CEP128: variants seen among roughly 807,000 people sequenced by gnomAD.
CEP128 encodes centrosomal protein 128.
CEP128 carries 132 observed loss-of-function variants against 156.7 expected under a neutral mutation model. The observed-to-expected ratio is 0.84, with a 90% CI of 0.73 to 0.97. The LOEUF is 0.97. Among genes scored for constraint, CEP128 ranks in the 50% least tolerant of loss-of-function variants. The pLI, the probability that CEP128 is intolerant of heterozygous loss-of-function variation, is 0.00. For missense variants in CEP128, 1,252 were observed against 1,281.9 expected, an observed-to-expected ratio of 0.98 and a Z score of 0.36; for synonymous variants, 469 against 448.9, an observed-to-expected ratio of 1.04 and a Z score of -0.57.
intron 19 of CEP128, among the ~76,000 whole-genome samples, chr14:80,648,369 G>T (rs1462803438): frequency 1.3e-5 from 2 of 152,090 alleles, no homozygotes; most frequent in African/African-American, 4.8e-5. Flanking sequence ...GGCTTCATTA[G>T]TGGCTGCAAC....
chr14:80,901,022 C>T (rs1206158425), intron 6 of CEP128, among the ~76,000 whole-genome samples: 1 of 151,564 alleles, frequency 6.6e-6, no homozygotes, highest in East Asian at 2.0e-4. Flanking sequence ...CTGGCTAACA[C>T]GGTGAAACCC....
At chr14:80,739,306 T>C (rs1442001488) in intron 19 of CEP128, among the ~76,000 whole-genome samples, 2 of 152,190 alleles carry the variant, frequency 1.3e-5, no homozygotes, top group Non-Finnish European at 2.9e-5. Context: ...AAAATTATTG[T>C]GATAAGTGAA....
intron 8 of CEP128, among the ~76,000 whole-genome samples, chr14:80,886,786 C>A (rs1057352520): frequency 1.3e-5 from 2 of 152,260 alleles, no homozygotes; most frequent in Non-Finnish European, 2.9e-5. Flanking sequence ...ACAATATTAA[C>A]CTTAAATGTA....
chr14:80,755,622 C>T (rs1003564466), intron 18 of CEP128, among the ~76,000 whole-genome samples: 3 of 152,204 alleles, frequency 2.0e-5, no homozygotes, highest in Non-Finnish European at 2.9e-5. Flanking sequence ...CCTTCTAATA[C>T]TGCAAGACGT....
intron 8 of CEP128, among the ~76,000 whole-genome samples, chr14:80,873,617 G>T (rs1888135576): frequency 6.6e-6 from 1 of 152,080 alleles, no homozygotes; most frequent in African/African-American, 2.4e-5. Context: ...GCTTTACAGG[G>T]ACCTCAGTAG....
At chr14:80,887,867 CAGAT>C (rs572109293) in intron 8 of CEP128, among the ~76,000 whole-genome samples, 43 of 151,938 alleles carry the variant, frequency 2.8e-4, no homozygotes, top group African/African-American at 7.7e-4. Flanking sequence ...ATTAGCAAAA[CAGAT>C]AGACTGCTAG....
intron 21 of CEP128, among the ~76,000 whole-genome samples, chr14:80,545,929 A>G (rs1027371188): frequency 1.3e-5 from 2 of 152,170 alleles, no homozygotes; most frequent in African/African-American, 4.8e-5. Context: ...GGTCAACTGA[A>G]TCTGGGGGTG....
chr14:80,879,302 T>C (rs761077038), intron 8 of CEP128, among the ~76,000 whole-genome samples: 4 of 152,056 alleles, frequency 2.6e-5, no homozygotes, highest in Non-Finnish European at 4.4e-5. Flanking sequence ...CAAGGAAATA[T>C]GACACCACCA....
chr14:80,481,161 C>A (rs1335316461), intron 14 of CEP128, among the ~76,000 whole-genome samples: 2 of 152,134 alleles, frequency 1.3e-5, no homozygotes, highest in African/African-American at 4.8e-5. Context: ...TAAAGACATA[C>A]CCGAGACAGG....
chr14:80,561,917 T>TATATATATATATATATA (rs1463564179), intron 20 of CEP128, among the ~76,000 whole-genome samples: 2 of 148,096 alleles, frequency 1.4e-5, no homozygotes, highest in African/African-American at 5.0e-5. Flanking sequence ...TATATATTTG[T>TATATATATATATATATA]TTTGTTTTGT....
chr14:80,743,375 T>C, intron 18 of CEP128, 108 bp from the exon 19 acceptor site: 1 of 988,168 alleles, frequency 1.0e-6, no homozygotes, highest in Non-Finnish European at 1.5e-6. Context: ...TATAGATAAT[T>C]ACCAAATTTT....
chr14:80,871,570 C>G (rs1453960526), intron 8 of CEP128, among the ~76,000 whole-genome samples: 1 of 151,880 alleles, frequency 6.6e-6, no homozygotes, highest in Non-Finnish European at 1.5e-5. Flanking sequence ...TGGACCTTAA[C>G]CTAAAGACAT....
intron 19 of CEP128, among the ~76,000 whole-genome samples, chr14:80,617,914 C>T (rs1893295315): frequency 1.3e-5 from 2 of 152,208 alleles, no homozygotes; most frequent in East Asian, 1.9e-4. Flanking sequence ...GTTCAAATCC[C>T]ACTTCACTTA....
downstream of CEP128, among the ~76,000 whole-genome samples, chr14:80,488,613 A>T (rs1887224540): frequency 6.6e-6 from 1 of 152,042 alleles, no homozygotes; most frequent in Non-Finnish European, 1.5e-5. Context: ...ATACGGTTTG[A>T]CCCAGCCATC....
intron 19 of CEP128, among the ~76,000 whole-genome samples, chr14:80,582,091 C>T (rs1416167544): frequency 6.6e-6 from 1 of 152,216 alleles, no homozygotes; most frequent in Non-Finnish European, 1.5e-5. Context: ...TGGTCTAGGA[C>T]TCTTCCCACT....
intron 18 of CEP128, among the ~76,000 whole-genome samples, chr14:80,743,922 A>G (rs982260122): frequency 2.0e-5 from 3 of 149,754 alleles, no homozygotes; most frequent in African/African-American, 4.9e-5. Flanking sequence ...CCCGGGATAG[A>G]GTACAGTGGC....
chr14:80,952,146 C>G (rs951423287), intron 2 of CEP128, among the ~76,000 whole-genome samples: 2 of 151,936 alleles, frequency 1.3e-5, no homozygotes, highest in Non-Finnish European at 2.9e-5. Context: ...TTAAACAATA[C>G]TATCAACAAC....
intron 19 of CEP128, among the ~76,000 whole-genome samples, chr14:80,625,854 CCTTT>C (rs150642098): frequency 0.14 from 20,225 of 148,408 alleles, 1,452 homozygotes; most frequent in South Asian, 0.25. Flanking sequence ...CTCTTTCTTT[CCTTT>C]CTTTCTCTCT....
intron 19 of CEP128, among the ~76,000 whole-genome samples, chr14:80,612,617 G>T (rs1225575294): frequency 6.6e-6 from 1 of 152,126 alleles, no homozygotes; most frequent in Non-Finnish European, 1.5e-5. Context: ...GTAACTGAAA[G>T]AAAACAGGTG....
Sources: gnomAD v4.1 joint callset for allele counts (sites outside exome capture counted in the v4.1 genomes callset) on GRCh38, gnomAD v4.1.1 for gene constraint, MANE v1.5 for transcripts, NCBI Gene and HGNC (gene_info 2026-07-23, HGNC 2026-07-21) for gene names.